KIRREL3: variants seen among roughly 807,000 people sequenced by gnomAD.
KIRREL3 encodes kin of IRRE-like protein 3.
Under a neutral mutation model 89.7 loss-of-function variants are expected in KIRREL3, and 36 were observed. The observed-to-expected ratio is 0.40, with a 90% CI of 0.31 to 0.53. The LOEUF is 0.53. Ranked by LOEUF, KIRREL3 falls within the 20% of genes least tolerant of loss-of-function variation. KIRREL3 has a pLI of 0.49. For synonymous variants in KIRREL3, 445 were observed against 441.4 expected (o/e 1.01, Z -0.10); for missense variants, 864 against 1,056.6 (o/e 0.82, Z 2.53).
Position 126,867,262 on chromosome 11 carries a change from TC to T in KIRREL3, c.55+133192del, listed in dbSNP as rs1944957316. Among the ~76,000 whole-genome samples the T allele has an allele frequency of 6.6e-6, 1 of 152,164 alleles. No individual in the cohort carries two copies. On this transcript the variant is annotated intron_variant, in intron 1 of 16. Coordinates refer to ENST00000525144, the MANE Select transcript of KIRREL3 (RefSeq NM_032531.4). The surrounding 1 kb of genome is among the most constrained non-coding windows in gnomAD (Gnocchi z 4.7). The stretch of plus-strand genomic sequence containing the variant: ...AGCCTGCCATGGGGATAAAGGAAAT[TC>T]TCCCGTTTCAATAGCAGGTCTTCAG...
At chr11:126,518,390 G>T (rs1003852098) in intron 4 of KIRREL3, among the ~76,000 whole-genome samples, 1 of 152,212 alleles carries the variant, frequency 6.6e-6, no homozygotes, top group South Asian at 2.1e-4. Flanking sequence ...TTGGTACTTC[G>T]ATGGAAGACC....
intron 12 of KIRREL3, 78 bp downstream of exon 12, chr11:126,436,733 C>T: frequency 6.6e-7 from 1 of 1,513,108 alleles, no homozygotes; most frequent in African/African-American, 1.4e-5. Context: ...TTGCAGCCAC[C>T]CGCGCCCTGA....
rs1412456679 is a variant in KIRREL3 at position 126,742,865 on chromosome 11, A to G, written c.56-179953T>C. 6.6e-6 allele frequency among the ~76,000 whole-genome samples: 1 copy of G among 152,204 alleles called. No individual in the cohort carries two copies. Among genetic ancestry groups the G allele is most frequent in the Non-Finnish European group, 1.5e-5 (1 of 68,036 alleles). On this transcript the variant is annotated intron_variant, in intron 1 of 16. Coordinates refer to ENST00000525144, the MANE Select transcript of KIRREL3 (RefSeq NM_032531.4). This position sits in a 1 kb window ranked among gnomAD's most constrained non-coding sequence, Gnocchi z 5.3. ...GCTCCTCTCTGAAGAGGCAAGAAAA[A>G]GATTCTGAAGATGATGGATCTGCAT...
rs1943514978 is a variant in KIRREL3 at position 126,620,063 on chromosome 11, C to T, written c.56-57151G>A. ...GGCTGCCGTGTGATTATTAAACTCT[C>T]TCTCTGCTGCAACTTCCACTGTTTT... On this transcript the variant is annotated intron_variant, in intron 1 of 16. Coordinates refer to ENST00000525144, the MANE Select transcript of KIRREL3 (RefSeq NM_032531.4). This position sits in a 1 kb window ranked among gnomAD's most constrained non-coding sequence, Gnocchi z 4.8. Among the ~76,000 whole-genome samples the T allele has an allele frequency of 6.6e-6, 1 of 152,226 alleles. No individual in the cohort carries two copies.
At chr11:126,663,121 G>A (rs1004522218) in intron 1 of KIRREL3, among the ~76,000 whole-genome samples, 1 of 151,416 alleles carries the variant, frequency 6.6e-6, no homozygotes, top group Non-Finnish European at 1.5e-5. Context: ...GATGAGCATG[G>A]GGAGTGTGGA....
intron 3 of KIRREL3, among the ~76,000 whole-genome samples, chr11:126,524,803 A>G (rs1958699519): frequency 1.3e-5 from 2 of 152,302 alleles, no homozygotes; most frequent in African/African-American, 4.8e-5. Flanking sequence ...AGGGCTCTAC[A>G]AGTACTTGCT....
chr11:126,992,233 T>C (rs1353974418), intron 1 of KIRREL3, among the ~76,000 whole-genome samples: 4 of 152,172 alleles, frequency 2.6e-5, no homozygotes, highest in Admixed American at 2.6e-4. Flanking sequence ...TAAGAGATAA[T>C]ATTCAGAGAA....
In KIRREL3 at chr11:126,523,900, G is replaced by A. The variant is rs1958671391; in HGVS notation, c.284-2436C>T. On this transcript the variant is annotated intron_variant, in intron 3 of 16. Coordinates refer to ENST00000525144, the MANE Select transcript of KIRREL3 (RefSeq NM_032531.4). The surrounding 1 kb of genome is among the most constrained non-coding windows in gnomAD (Gnocchi z 4.9). ...CTCACGAGCTGCTGAAAACATCAGTGATGGGTTTGTTTGTATTTGCCTAAT... is the reference window on the plus strand; with the variant it reads ...CTCACGAGCTGCTGAAAACATCAGTAATGGGTTTGTTTGTATTTGCCTAAT... Among the ~76,000 whole-genome samples the A allele has an allele frequency of 6.6e-6, 1 of 152,194 alleles. No individual in the cohort carries two copies. Among genetic ancestry groups the A allele is most frequent in the Non-Finnish European group, 1.5e-5 (1 of 68,040 alleles).
In KIRREL3 at chr11:126,763,982, C is replaced by T. The variant is rs938708113; in HGVS notation, c.56-201070G>A. ...CCCCACAACTCTGCATTCCCCTCCCCATCCACAGCATAGTTCTCCCATCAT... is the reference window on the plus strand; with the variant it reads ...CCCCACAACTCTGCATTCCCCTCCCTATCCACAGCATAGTTCTCCCATCAT... On this transcript the variant is annotated intron_variant, in intron 1 of 16. Transcript: ENST00000525144. This position sits in a 1 kb window ranked among gnomAD's most constrained non-coding sequence, Gnocchi z 4.7. Among the ~76,000 whole-genome samples, 1 of 152,182 alleles carries T rather than the reference C, an allele frequency of 6.6e-6. No individual in the cohort carries two copies. The highest frequency in any genetic ancestry group is 1.5e-5 in the Non-Finnish European group (1 of 68,040).
rs1433831973 is a variant in KIRREL3 at position 126,640,375 on chromosome 11, C to T, written c.56-77463G>A. ...GCGTGTGCGCGCGCACACACACGCACACGCGCACACACAGAATTAAAAGGC... is the reference window on the plus strand; with the variant it reads ...GCGTGTGCGCGCGCACACACACGCATACGCGCACACACAGAATTAAAAGGC... On this transcript the variant is annotated intron_variant, in intron 1 of 16. Coordinates refer to ENST00000525144, the MANE Select transcript of KIRREL3 (RefSeq NM_032531.4). The surrounding 1 kb of genome is among the most constrained non-coding windows in gnomAD (Gnocchi z 4.9). Among the ~76,000 whole-genome samples the T allele has an allele frequency of 1.3e-5, 2 of 152,102 alleles. No homozygotes were observed. Among genetic ancestry groups the T allele is most frequent in the East Asian group, 1.9e-4 (1 of 5,180 alleles).
chr11:126,479,620 C>T (rs1957168076), intron 4 of KIRREL3, among the ~76,000 whole-genome samples: 1 of 152,178 alleles, frequency 6.6e-6, no homozygotes, highest in Non-Finnish European at 1.5e-5. Context: ...AGGTAGAAAT[C>T]ATGACAAACT....
chr11:126,532,847 C>T (rs1958986177), intron 2 of KIRREL3, among the ~76,000 whole-genome samples: 1 of 151,930 alleles, frequency 6.6e-6, no homozygotes, highest in Admixed American at 6.6e-5. Context: ...AGGAGGTGTA[C>T]TAGTTACCAT....
rs1255921069 is a variant in KIRREL3 at position 126,946,466 on chromosome 11, G to T, written c.55+53989C>A. On this transcript the variant is annotated intron_variant, in intron 1 of 16. Coordinates refer to ENST00000525144, the MANE Select transcript of KIRREL3 (RefSeq NM_032531.4). The surrounding 1 kb of genome is among the most constrained non-coding windows in gnomAD (Gnocchi z 4.1). Reference sequence around the variant, plus strand: ...CTTTATTTACACACAGTTGAAAAAGGACTAATACAAATGCCCATAAAATCT... The same window carrying T: ...CTTTATTTACACACAGTTGAAAAAGTACTAATACAAATGCCCATAAAATCT... Among the ~76,000 whole-genome samples, 1 of 152,158 alleles carries T rather than the reference G, an allele frequency of 6.6e-6. No homozygotes were observed. Among genetic ancestry groups the T allele is most frequent in the Non-Finnish European group, 1.5e-5 (1 of 68,032 alleles).
intron 1 of KIRREL3, among the ~76,000 whole-genome samples, chr11:126,925,100 G>A (rs201256471): frequency 1.1e-4 from 1 of 9,088 alleles, no homozygotes; most frequent in Non-Finnish European, 2.0e-4. Context: ...AAAAGGTCGG[G>A]GGGGGGGGGG....
intron 1 of KIRREL3, among the ~76,000 whole-genome samples, chr11:126,746,814 T>C (rs536583987): frequency 6.6e-6 from 1 of 152,290 alleles, no homozygotes; most frequent in South Asian, 2.1e-4. Flanking sequence ...CCAAACCCCA[T>C]TGTGCTTAGC....
chr11:126,962,351 A>T (rs1203621513), intron 1 of KIRREL3, among the ~76,000 whole-genome samples: 1 of 152,180 alleles, frequency 6.6e-6, no homozygotes, highest in Non-Finnish European at 1.5e-5. Flanking sequence ...GAAGAAGTTG[A>T]TTCCAATCCT....
chr11:126,793,170 A>T (rs1394374605), intron 1 of KIRREL3, among the ~76,000 whole-genome samples: 1 of 151,866 alleles, frequency 6.6e-6, no homozygotes, highest in Non-Finnish European at 1.5e-5. Context: ...GGACAAGATA[A>T]TGACCTTTTT....
At chr11:126,828,609 C>A (rs1207163829) in intron 1 of KIRREL3, among the ~76,000 whole-genome samples, 3 of 152,052 alleles carry the variant, frequency 2.0e-5, no homozygotes, top group Non-Finnish European at 2.9e-5. Context: ...ACAGATCTGC[C>A]CTCACTGGAC....
At chr11:126,863,568 TTTGAC>T in intron 1 of KIRREL3, among the ~76,000 whole-genome samples, 1 of 146,942 alleles carries the variant, frequency 6.8e-6, no homozygotes, top group Non-Finnish European at 1.5e-5. Flanking sequence ...TGTGAGTGTG[TTTGAC>T]TGCGTGTGAG....
Sources: gnomAD v4.1 joint callset for allele counts (sites outside exome capture counted in the v4.1 genomes callset) on GRCh38, gnomAD v4.1.1 for gene constraint, Gnocchi (gnomAD v3.1) non-coding constraint, MANE v1.5 for transcripts, NCBI Gene and HGNC (gene_info 2026-07-23, HGNC 2026-07-21) for gene names.